SGCZ: variants seen among roughly 807,000 people sequenced by gnomAD.
SGCZ encodes the protein zeta-sarcoglycan.
SGCZ carries 40 observed loss-of-function variants against 41.3 expected under a neutral mutation model. That is an observed-to-expected ratio of 0.97 (90% CI 0.75 to 1.26). The LOEUF is 1.26. Ranked by LOEUF, SGCZ falls within the 50% of genes most tolerant of loss-of-function variation. SGCZ has a pLI of 0.00. For synonymous variants in SGCZ, 206 were observed against 137.5 expected, an observed-to-expected ratio of 1.50 and a Z score of -3.49; for missense variants, 552 against 369.8, an observed-to-expected ratio of 1.49 and a Z score of -4.04.
chr8:15,168,407 A>G (rs1011227741), intron 1 of SGCZ, among the ~76,000 whole-genome samples: 10 of 152,212 alleles, frequency 6.6e-5, no homozygotes, highest in African/African-American at 1.4e-4. Context: ...GGAAAGAGAT[A>G]TAGGTGAGAG....
chr8:14,339,664 T>C (rs1314490304), intron 2 of SGCZ, among the ~76,000 whole-genome samples: 1 of 152,192 alleles, frequency 6.6e-6, no homozygotes, highest in Non-Finnish European at 1.5e-5. Flanking sequence ...GAACACTTGC[T>C]GAGTAAAGTA....
At chr8:14,405,227 A>T (rs928378267) in intron 2 of SGCZ, among the ~76,000 whole-genome samples, 6 of 152,218 alleles carry the variant, frequency 3.9e-5, no homozygotes, top group African/African-American at 1.4e-4. Flanking sequence ...TATGACATAG[A>T]TTCATTTTTA....
intron 1 of SGCZ, among the ~76,000 whole-genome samples, chr8:14,649,791 G>A (rs572491775): frequency 2.4e-4 from 37 of 152,122 alleles, no homozygotes; most frequent in Non-Finnish European, 5.0e-4. Flanking sequence ...AAGATGACCA[G>A]CACAGGAATA....
rs11428713 is a variant in SGCZ, at chr8:14,540,220, A to ATTTTTT, written c.234+14506_234+14511dup. ...AAATAATGGCTATTTTCTCTGCTTAATTTTTTTTTTTTTTTTTTTTTTTTT... is the reference window on the plus strand; with the variant it reads ...AAATAATGGCTATTTTCTCTGCTTAATTTTTTTTTTTTTTTTTTTTTTTTTTTTTTT... On this transcript the variant is annotated intron_variant, in intron 2 of 7. Coordinates refer to ENST00000382080, the MANE Select transcript of SGCZ (RefSeq NM_139167.4). 1.2e-3 allele frequency among the ~76,000 whole-genome samples: 60 copies of ATTTTTT among 48,708 alleles called. 2 individuals carry two copies. The highest frequency in any genetic ancestry group is 4.7e-3 in the African/African-American group (58 of 12,400). The allele number at this position is 48,708 out of a possible 152,430, so 32.0% of individuals were successfully genotyped here. A position where few individuals can be genotyped will look rare whatever the true frequency, so the allele number is the denominator to read the frequency against.
At chr8:14,856,916 T>C (rs371363343) in intron 1 of SGCZ, among the ~76,000 whole-genome samples, 2 of 152,204 alleles carry the variant, frequency 1.3e-5, no homozygotes, top group East Asian at 3.9e-4. Context: ...TCAGTGTCAA[T>C]AACAGTTATT....
At chr8:14,445,349 T>G (rs1800400668) in intron 2 of SGCZ, among the ~76,000 whole-genome samples, 1 of 152,122 alleles carries the variant, frequency 6.6e-6, no homozygotes, top group African/African-American at 2.4e-5. Flanking sequence ...CAAAACTACC[T>G]AAGGCCTAAC....
At chr8:14,415,615 T>A (rs1298024906) in intron 2 of SGCZ, among the ~76,000 whole-genome samples, 2 of 151,964 alleles carry the variant, frequency 1.3e-5, no homozygotes, top group African/African-American at 4.8e-5. Context: ...TTTTAGTTCC[T>A]TTGAATCAGA....
chr8:14,668,105 C>G (rs977676577), intron 1 of SGCZ, among the ~76,000 whole-genome samples: 2 of 151,954 alleles, frequency 1.3e-5, no homozygotes, highest in Admixed American at 6.6e-5. Flanking sequence ...TACAGGCACC[C>G]CCGCCACCAC....
chr8:14,767,051 T>G (rs751016010), intron 1 of SGCZ, among the ~76,000 whole-genome samples: 9 of 138,730 alleles, frequency 6.5e-5, no homozygotes, highest in Non-Finnish European at 1.1e-4. Context: ...TTATATAAAT[T>G]TTATCATCTG....
At chr8:14,319,450 A>G (rs1205300958) in intron 3 of SGCZ, 1 of 152,040 alleles carries the variant, frequency 6.6e-6, no homozygotes, top group African/African-American at 2.4e-5. Flanking sequence ...TAAAAAACCA[A>G]CTAGCACTGT....
intron 1 of SGCZ, among the ~76,000 whole-genome samples, chr8:15,203,156 A>G (rs111739807): frequency 6.2e-4 from 94 of 152,218 alleles, no homozygotes; most frequent in African/African-American, 2.1e-3. Flanking sequence ...CCTTACCCCA[A>G]GACCCTCTAT....
rs1801482846 is a variant in SGCZ at position 14,084,919 on chromosome 8, T to A, written c.*5524A>T. The stretch of plus-strand genomic sequence containing the variant: ...TAGTAGCACCAAAATTAGGACAAAT[T>A]ACAAGAATCACAGGAGAGATCTTAA... On this transcript the variant is annotated 3_prime_UTR_variant, in exon 8 of 8. Transcript: ENST00000382080. Among the ~76,000 whole-genome samples the A allele has an allele frequency of 6.6e-6, 1 of 151,930 alleles. No individual in the cohort carries two copies.
intron 1 of SGCZ, among the ~76,000 whole-genome samples, chr8:14,890,083 C>T (rs1036028302): frequency 2.0e-5 from 3 of 151,710 alleles, no homozygotes; most frequent in Non-Finnish European, 4.4e-5. Flanking sequence ...CGGGCATGGT[C>T]GTGGGCACCC....
intron 1 of SGCZ, among the ~76,000 whole-genome samples, chr8:15,157,163 T>C (rs1207462016): frequency 6.6e-6 from 1 of 152,088 alleles, no homozygotes; most frequent in African/African-American, 2.4e-5. Flanking sequence ...GGCCCAATAT[T>C]ACATACATAG....
intron 1 of SGCZ, among the ~76,000 whole-genome samples, chr8:14,595,191 A>C (rs775624221): frequency 6.6e-6 from 1 of 152,188 alleles, no homozygotes; most frequent in Non-Finnish European, 1.5e-5. Context: ...CTCCTGGAGA[A>C]CCACTGTCAT....
intron 1 of SGCZ, among the ~76,000 whole-genome samples, chr8:15,197,924 A>G (rs1479691990): frequency 6.6e-6 from 1 of 150,812 alleles, no homozygotes; most frequent in Non-Finnish European, 1.5e-5. Flanking sequence ...ATAGATACAC[A>G]TACACCCATA....
At chr8:15,046,982 G>A (rs996152948) in intron 1 of SGCZ, among the ~76,000 whole-genome samples, 2 of 151,920 alleles carry the variant, frequency 1.3e-5, no homozygotes, top group African/African-American at 4.8e-5. Flanking sequence ...CAATGAAAAA[G>A]TAACTACAGT....
intron 1 of SGCZ, among the ~76,000 whole-genome samples, chr8:14,740,178 A>C (rs957113596): frequency 1.3e-5 from 2 of 152,042 alleles, no homozygotes; most frequent in Non-Finnish European, 2.9e-5. Flanking sequence ...CATTGACTTT[A>C]ATACATCTCC....
At position 14,685,740 on chromosome 8, in the gene SGCZ, G is replaced by T. The variant is rs1193590363; in HGVS notation, c.40-130814C>A. On this transcript the variant is annotated intron_variant, in intron 1 of 7. Coordinates refer to ENST00000382080, the MANE Select transcript of SGCZ (RefSeq NM_139167.4). The stretch of plus-strand genomic sequence containing the variant: ...AGTTTTTATGCAAAGTAAAATGTAT[G>T]ATTTAATTTACAGGAAAGTCTATTT... Among the ~76,000 whole-genome samples, 3 of 152,072 alleles carry T rather than the reference G, an allele frequency of 2.0e-5. No homozygotes were observed. In the East Asian group the frequency reaches 5.8e-4, roughly 29 times the overall value.
Sources: allele counts gnomAD v4.1 joint callset (sites outside exome capture counted in the v4.1 genomes callset), GRCh38; gene constraint gnomAD v4.1.1; transcripts MANE v1.5; gene names NCBI Gene and HGNC (gene_info 2026-07-23, HGNC 2026-07-21).